PGAP4: variants seen among roughly 807,000 people sequenced by gnomAD.
PGAP4 encodes GPI-N-acetylgalactosamine transferase PGAP4.
In PGAP4, 12 loss-of-function variants were observed where a neutral mutation model predicts 28.2. The ratio of observed to expected loss-of-function variants is 0.42; its 90% CI spans 0.27 to 0.69. The LOEUF (loss-of-function observed/expected upper bound fraction) is 0.69. Among genes scored for constraint, PGAP4 ranks in the 30% least tolerant of loss-of-function variants. The probability of loss-of-function intolerance (pLI) is 0.22; values close to 1 mark genes in which losing one functional copy is unlikely to be tolerated. For synonymous variants in PGAP4, 205 were observed against 211.8 expected (o/e 0.97, Z 0.28); for missense variants, 425 against 513.5 (o/e 0.83, Z 1.67).
intron 2 of PGAP4, among the ~76,000 whole-genome samples, chr9:101,517,995 A>G (rs1235707906): frequency 1.3e-5 from 2 of 152,116 alleles, no homozygotes; most frequent in Non-Finnish European, 2.9e-5. Context: ...CCAGGCAGTG[A>G]GCACAGCACC....
At chr9:101,515,591 A>G (rs1009525265) in intron 2 of PGAP4, among the ~76,000 whole-genome samples, 6 of 152,198 alleles carry the variant, frequency 3.9e-5, no homozygotes, top group Non-Finnish European at 7.3e-5. Flanking sequence ...ATGCAAAGCT[A>G]TATTAATAAT....
intron 2 of PGAP4, among the ~76,000 whole-genome samples, chr9:101,506,363 T>G (rs1024179808): frequency 3.3e-5 from 5 of 152,146 alleles, no homozygotes; most frequent in African/African-American, 1.2e-4. Context: ...AAATGTTAGC[T>G]GTGGAGGTAT....
At chr9:101,492,891 C>G (rs993919340) in intron 2 of PGAP4, among the ~76,000 whole-genome samples, 1 of 152,020 alleles carries the variant, frequency 6.6e-6, no homozygotes, top group Non-Finnish European at 1.5e-5. Context: ...TTAAGCTGAC[C>G]TCTGATACCT....
chr9:101,530,316 T>C (rs1827077218), intron 2 of PGAP4, among the ~76,000 whole-genome samples: 1 of 152,140 alleles, frequency 6.6e-6, no homozygotes. Context: ...CAGAATTGGG[T>C]AGTTAATGAA....
chr9:101,524,605 C>G (rs977387589), intron 2 of PGAP4, among the ~76,000 whole-genome samples: 3 of 152,208 alleles, frequency 2.0e-5, no homozygotes, highest in African/African-American at 7.2e-5. Context: ...GTGGTGCCAG[C>G]CAGGAATGGG....
chr9:101,479,633 G>C (rs1826425023), intron 1 of PGAP4, among the ~76,000 whole-genome samples: 1 of 152,204 alleles, frequency 6.6e-6, no homozygotes, highest in South Asian at 2.1e-4. Context: ...TGACAATCAG[G>C]AAAAGAGAGG....
At chr9:101,512,245 A>T (rs1440418324) in intron 2 of PGAP4, among the ~76,000 whole-genome samples, 1 of 152,150 alleles carries the variant, frequency 6.6e-6, no homozygotes, top group Non-Finnish European at 1.5e-5. Context: ...ACTTTAAGGA[A>T]GCAAGATAAT....
intron 2 of PGAP4, among the ~76,000 whole-genome samples, chr9:101,527,117 C>A (rs952610428): frequency 2.0e-5 from 3 of 152,160 alleles, no homozygotes; most frequent in Non-Finnish European, 4.4e-5. Context: ...AAGAGAGAGT[C>A]GGCTGAGTGC....
chr9:101,492,833 C>A (rs532133765), intron 2 of PGAP4, among the ~76,000 whole-genome samples: 1 of 152,050 alleles, frequency 6.6e-6, no homozygotes, highest in African/African-American at 2.4e-5. Context: ...TGTCTTTTTG[C>A]TTCAGGAGTT....
rs1334395317 is a variant in PGAP4, at chr9:101,486,195, C to T, written c.-78+754G>A. Among the ~76,000 whole-genome samples the T allele has an allele frequency of 3.3e-5, 5 of 152,192 alleles. No individual in the cohort carries two copies. Among genetic ancestry groups the T allele is most frequent in the Non-Finnish European group, 7.3e-5 (5 of 68,032 alleles). ...ACCCAGGTGGATCTAATTAACCCTC[C>T]CTCTTGGAAAAAGAATGGGGGACGA... On this transcript the variant is annotated intron_variant, in intron 1 of 1. Coordinates refer to ENST00000374848, the MANE Select transcript of PGAP4 (RefSeq NM_032342.3). This position sits in a 1 kb window ranked among gnomAD's most constrained non-coding sequence, Gnocchi z 4.7.
intron 2 of PGAP4, among the ~76,000 whole-genome samples, chr9:101,499,744 C>T (rs201391182): frequency 1.3e-5 from 2 of 151,958 alleles, no homozygotes; most frequent in Non-Finnish European, 2.9e-5. Context: ...CATGGCCTTC[C>T]GTGGCTTTAT....
intron 2 of PGAP4, among the ~76,000 whole-genome samples, chr9:101,500,765 A>T (rs1374088197): frequency 4.6e-5 from 7 of 152,072 alleles, no homozygotes; most frequent in Non-Finnish European, 1.0e-4. Flanking sequence ...ACAGGAAGAT[A>T]CACCTATTAG....
At chr9:101,503,332 G>A (rs79349951) in intron 2 of PGAP4, among the ~76,000 whole-genome samples, 5,875 of 151,948 alleles carry the variant, frequency 0.039, 164 homozygotes, top group Admixed American at 0.077. Context: ...GACTTCTTTC[G>A]CTTGAGAAGG....
chr9:101,499,888 A>G (rs2118591680), intron 2 of PGAP4, among the ~76,000 whole-genome samples: 1 of 152,164 alleles, frequency 6.6e-6, no homozygotes, highest in East Asian at 1.9e-4. Flanking sequence ...AACTACCTCC[A>G]TGTCTATTTT....
chr9:101,485,291 T>C (rs1223659485), intron 1 of PGAP4, among the ~76,000 whole-genome samples: 1 of 152,100 alleles, frequency 6.6e-6, no homozygotes, highest in Non-Finnish European at 1.5e-5. Flanking sequence ...TTTATTGAGG[T>C]GCAGTTTACA....
intron 2 of PGAP4, among the ~76,000 whole-genome samples, chr9:101,528,374 A>G (rs909193191): frequency 4.6e-5 from 7 of 152,126 alleles, no homozygotes; most frequent in Non-Finnish European, 1.0e-4. Context: ...CAAGGCCATG[A>G]AAACCTAAAT....
chr9:101,489,934 A>G (rs1826671536), upstream of PGAP4, among the ~76,000 whole-genome samples: 1 of 152,232 alleles, frequency 6.6e-6, no homozygotes, highest in Non-Finnish European at 1.5e-5. Context: ...CCTGAGACAT[A>G]AAATATTAAT....
chr9:101,528,773 T>C (rs913333447), intron 2 of PGAP4, among the ~76,000 whole-genome samples: 3 of 152,006 alleles, frequency 2.0e-5, no homozygotes, highest in African/African-American at 7.2e-5. Context: ...AATTGTATGA[T>C]TGTAACATAG....
chr9:101,518,763 G>T (rs948354964), intron 2 of PGAP4, among the ~76,000 whole-genome samples: 2 of 152,214 alleles, frequency 1.3e-5, no homozygotes, highest in Non-Finnish European at 2.9e-5. Context: ...TGTGAATTGT[G>T]CTGCTATAAA....
Sources: gnomAD v4.1 joint callset for allele counts (sites outside exome capture counted in the v4.1 genomes callset) on GRCh38, gnomAD v4.1.1 for gene constraint, Gnocchi (gnomAD v3.1) non-coding constraint, MANE v1.5 for transcripts, NCBI Gene and HGNC (gene_info 2026-07-23, HGNC 2026-07-21) for gene names.